The following MTMR10 variants were observed in gnomAD, a reference collection of about 807,000 sequenced individuals.
MTMR10 encodes myotubularin related protein 10.
In MTMR10, 56 loss-of-function variants were observed where a neutral mutation model predicts 88.1. The ratio of observed to expected loss-of-function variants is 0.64; its 90% CI spans 0.51 to 0.79. MTMR10 has a LOEUF of 0.79. MTMR10 is among the 30% of genes least tolerant of loss of function. The pLI, the probability that MTMR10 is intolerant of heterozygous loss-of-function variation, is 0.00. For synonymous variants in MTMR10, 380 were observed against 340.9 expected (o/e 1.11, Z -1.26); for missense variants, 883 against 924.7 (o/e 0.95, Z 0.58).
intron 1 of MTMR10, 40 bp from the exon 2 acceptor site, chr15:30,990,877 C>G: frequency 6.6e-7 from 1 of 1,515,384 alleles, no homozygotes; most frequent in Non-Finnish European, 9.0e-7. Flanking sequence ...TCTCAATCCC[C>G]CCACCCTCCG....
chr15:30,951,325 A>G (rs1207237139), intron 12 of MTMR10, among the ~76,000 whole-genome samples: 1 of 152,194 alleles, frequency 6.6e-6, no homozygotes, highest in Non-Finnish European at 1.5e-5. Context: ...AACTAAAACA[A>G]ATTTGTACAA....
downstream of MTMR10, chr15:30,937,204 T>TA (rs747007177): frequency 1.2e-6 from 2 of 1,614,084 alleles, no homozygotes; most frequent in South Asian, 2.2e-5. Flanking sequence ...GGGGCTGAAG[T>TA]AGAAGTCTGC....
chr15:30,930,725 C>T, the MTMR10 span: 1 of 1,594,914 alleles, frequency 6.3e-7, no homozygotes, highest in African/African-American at 1.3e-5. Context: ...GCAACTGAAT[C>T]AGAGGCCACA....
At chr15:30,951,943 T>C in intron 12 of MTMR10, 25 bp downstream of exon 12, 1 of 1,595,152 alleles carries the variant, frequency 6.3e-7, no homozygotes, top group Non-Finnish European at 8.6e-7. Flanking sequence ...GTGGTCATGG[T>C]GCTTTCAGGA....
chr15:30,987,695 T>A (rs552069440), intron 2 of MTMR10, among the ~76,000 whole-genome samples: 214 of 152,166 alleles, frequency 1.4e-3, no homozygotes, highest in Non-Finnish European at 2.4e-3. Context: ...TTTTTTTATT[T>A]TTTTTTTTAA....
chr15:30,964,718 T>C (rs1047584152), intron 6 of MTMR10, among the ~76,000 whole-genome samples: 2 of 152,222 alleles, frequency 1.3e-5, no homozygotes, highest in Non-Finnish European at 2.9e-5. Flanking sequence ...CAGGGAGACC[T>C]GGCTCCGCTG....
At chr15:30,943,598 G>C (rs1427983754) in intron 14 of MTMR10, 1 of 985,282 alleles carries the variant, frequency 1.0e-6, no homozygotes, top group Admixed American at 6.1e-5. Context: ...TAGGAAGGAA[G>C]GGATCAACTC....
Position 30,952,044 on chromosome 15 carries a change from G to A in MTMR10, c.1137-6C>T, listed in dbSNP as rs374089186. On this transcript the variant is annotated splice_region_variant and splice_polypyrimidine_tract_variant and intron_variant, in intron 11 of 15. Coordinates refer to ENST00000435680, the MANE Select transcript of MTMR10 (RefSeq NM_017762.3). ...CTGAATGCTTAAGGAATGCCCTGAA[G>A]AGAGAAAAGGAAAAGCAGTGTTAAA... 2.0e-4 allele frequency: 324 copies of A among 1,611,824 alleles called. No individual in the cohort carries two copies. The highest frequency in any genetic ancestry group is 2.6e-4 in the Non-Finnish European group (306 of 1,178,126).
intron 12 of MTMR10, chr15:30,949,336 T>C (rs890991886): frequency 7.9e-5 from 12 of 152,170 alleles, no homozygotes; most frequent in African/African-American, 7.2e-5. Flanking sequence ...CTCCATCTCA[T>C]TGAACTGGAG....
intron 4 of MTMR10, 105 bp downstream of exon 4, chr15:30,974,826 T>G (rs2029991454): frequency 2.5e-6 from 2 of 798,424 alleles, no homozygotes; most frequent in Non-Finnish European, 3.6e-6. Context: ...AAAAGTAAAC[T>G]TACAGAAATA....
the MTMR10 span, among the ~76,000 whole-genome samples, chr15:30,929,862 AATATATATAAAATATATAATATATATC>A: frequency 1.7e-5 from 1 of 60,366 alleles, no homozygotes; most frequent in Non-Finnish European, 2.7e-5. Flanking sequence ...TATCATATAT[AATATATATAAAATATATAATATATATC>A]ATATATAATA....
At chr15:30,929,396 A>T in the MTMR10 span, 7 of 1,597,838 alleles carry the variant, frequency 4.4e-6, no homozygotes, top group Non-Finnish European at 8.5e-7. Flanking sequence ...CAGCAAGCTC[A>T]GGTAATGGTT....
intron 2 of MTMR10, 65 bp from the exon 3 acceptor site, chr15:30,977,020 CT>C: frequency 6.7e-7 from 1 of 1,498,550 alleles, no homozygotes; most frequent in Non-Finnish European, 9.2e-7. Context: ...TTTGTGGGAC[CT>C]AGAAGGAGTG....
At chr15:30,974,543 T>C (rs2029969678) in intron 4 of MTMR10, 87 bp from the exon 5 acceptor site, 3 of 1,226,124 alleles carry the variant, frequency 2.4e-6, no homozygotes, top group Non-Finnish European at 1.1e-6. Flanking sequence ...GTGAAAATAA[T>C]TGGAAGGTCA....
the MTMR10 span, among the ~76,000 whole-genome samples, chr15:30,931,998 G>A: frequency 6.6e-6 from 1 of 151,158 alleles, no homozygotes; most frequent in African/African-American, 2.4e-5. Flanking sequence ...AGAGGTGGGC[G>A]GATCACGAGG....
chr15:30,959,765 A>G (rs1247039271), intron 7 of MTMR10, among the ~76,000 whole-genome samples: 1 of 152,242 alleles, frequency 6.6e-6, no homozygotes, highest in Non-Finnish European at 1.5e-5. Context: ...CTGTACTAGA[A>G]GTTCCTGGTA....
chr15:30,950,256 CTCTGACTG>C (rs1193833942), intron 12 of MTMR10: 2 of 139,240 alleles, frequency 1.4e-5, no homozygotes, highest in Non-Finnish European at 3.3e-5. Flanking sequence ...TAAACACACA[CTCTGACTG>C]TATCAGTTCA....
At chr15:30,926,901 T>C in the MTMR10 span, 1 of 985,344 alleles carries the variant, frequency 1.0e-6, no homozygotes, top group Non-Finnish European at 1.2e-6. Flanking sequence ...CCAGGCTTTA[T>C]GCCACAGGGA....
At chr15:30,943,339 A>ATGT (rs1195825896) in intron 14 of MTMR10, 52 of 985,198 alleles carry the variant, frequency 5.3e-5, no homozygotes, top group Non-Finnish European at 6.1e-5. Context: ...GGCAATAAGA[A>ATGT]TGTTATTAAG....
Sources: gnomAD v4.1 joint callset for allele counts (sites outside exome capture counted in the v4.1 genomes callset) on GRCh38, gnomAD v4.1.1 for gene constraint, MANE v1.5 for transcripts, NCBI Gene and HGNC (gene_info 2026-07-23, HGNC 2026-07-21) for gene names.